The following CNTN5 variants were observed in gnomAD, a reference collection of about 807,000 sequenced individuals.
CNTN5 encodes the protein contactin-5.
CNTN5 carries 77 observed loss-of-function variants against 129.1 expected under a neutral mutation model. The observed-to-expected ratio is 0.60, with a 90% CI of 0.50 to 0.72. The LOEUF (loss-of-function observed/expected upper bound fraction) is 0.72, where lower values mean the gene tolerates loss of function less well. CNTN5 is among the 30% of genes least tolerant of loss of function. The pLI is 0.00. For synonymous variants in CNTN5, 509 were observed against 465.6 expected, an observed-to-expected ratio of 1.09 and a Z score of -1.20; for missense variants, 1,478 against 1,328.8, an observed-to-expected ratio of 1.11 and a Z score of -1.75.
chr11:100,009,068 T>A (rs1940357723), intron 9 of CNTN5, among the ~76,000 whole-genome samples: 1 of 152,132 alleles, frequency 6.6e-6, no homozygotes, highest in Non-Finnish European at 1.5e-5. Context: ...AATTGTAGGT[T>A]ATCAAATTTT....
intron 3 of CNTN5, among the ~76,000 whole-genome samples, chr11:99,643,065 T>C (rs1002311697): frequency 2.0e-5 from 3 of 152,228 alleles, no homozygotes; most frequent in Non-Finnish European, 4.4e-5. Flanking sequence ...AACACAGGAA[T>C]ACAGATATCT....
chr11:100,177,737 G>A (rs116819786), intron 13 of CNTN5, among the ~76,000 whole-genome samples: 3,432 of 152,192 alleles, frequency 0.023, 135 homozygotes, highest in African/African-American at 0.078. Context: ...CGACATATAC[G>A]TAGAGTTTAA....
At chr11:99,452,942 C>T (rs912860491) in intron 2 of CNTN5, among the ~76,000 whole-genome samples, 1 of 152,096 alleles carries the variant, frequency 6.6e-6, no homozygotes, top group East Asian at 1.9e-4. Context: ...TTTTCCTCAT[C>T]TTATAAACAA....
intron 1 of CNTN5, among the ~76,000 whole-genome samples, chr11:99,268,789 C>T (rs1270577502): frequency 6.6e-6 from 1 of 151,894 alleles, no homozygotes; most frequent in Non-Finnish European, 1.5e-5. Flanking sequence ...TTAGAGCATT[C>T]GTCTAATGAT....
chr11:99,899,583 T>A (rs898091864), intron 6 of CNTN5, among the ~76,000 whole-genome samples: 1 of 152,052 alleles, frequency 6.6e-6, no homozygotes, highest in Non-Finnish European at 1.5e-5. Context: ...GCACATTTGA[T>A]CATGGCAAAT....
chr11:99,943,971 G>A (rs1412739539), intron 7 of CNTN5, among the ~76,000 whole-genome samples: 1 of 152,008 alleles, frequency 6.6e-6, no homozygotes, highest in Non-Finnish European at 1.5e-5. Flanking sequence ...GTAGCATTAT[G>A]CCTCCAGCTT....
intron 16 of CNTN5, among the ~76,000 whole-genome samples, chr11:100,226,967 T>C (rs544600616): frequency 6.6e-6 from 1 of 152,004 alleles, no homozygotes; most frequent in Admixed American, 6.6e-5. Flanking sequence ...GCATTCTAGA[T>C]GGAGCTTTTC....
chr11:99,194,764 C>T (rs1003518742), intron 1 of CNTN5, among the ~76,000 whole-genome samples: 1 of 152,056 alleles, frequency 6.6e-6, no homozygotes, highest in Non-Finnish European at 1.5e-5. Flanking sequence ...TGCCGCCATG[C>T]CCAGCTAATA....
At chr11:99,820,874 A>T (rs1466583899) in intron 4 of CNTN5, among the ~76,000 whole-genome samples, 2 of 152,244 alleles carry the variant, frequency 1.3e-5, no homozygotes, top group Non-Finnish European at 2.9e-5. Context: ...GAACTAAGAT[A>T]TTGGAAAGAT....
chr11:100,282,052 G>C (rs972936484), intron 18 of CNTN5, among the ~76,000 whole-genome samples: 2 of 142,720 alleles, frequency 1.4e-5, no homozygotes, highest in African/African-American at 5.3e-5. Context: ...TTATCTGTCT[G>C]AAAGGTCACA....
intron 2 of CNTN5, among the ~76,000 whole-genome samples, chr11:99,493,130 G>A (rs1032939889): frequency 9.2e-5 from 14 of 152,256 alleles, no homozygotes; most frequent in African/African-American, 2.4e-4. Flanking sequence ...GAACCCCATC[G>A]CTTTGTTTGT....
intron 9 of CNTN5, among the ~76,000 whole-genome samples, chr11:100,036,090 T>G (rs1190973584): frequency 6.6e-6 from 1 of 152,230 alleles, no homozygotes; most frequent in African/African-American, 2.4e-5. Flanking sequence ...CTAGGGTTTT[T>G]ATGGTTTCAG....
chr11:99,956,973 C>T lies in CNTN5; in HGVS notation c.841C>T (p.Leu281Phe), dbSNP rs1950819498. The change falls in exon 8 of 25, where the codon CTT becomes TTT. Residue 281 changes from leucine (L) to phenylalanine (F), a missense_variant. Transcript: ENST00000524871. ...AAACACAGTGACGAATGCTAGAGTC[C>T]TTAGTCCTCCAACGCCACTCACTCT... is the stretch of plus-strand genomic sequence containing the variant. ...VKNTVTNARV[L>F]SPPTPLTLRN... 1 of 1,613,768 alleles carries T rather than the reference C, an allele frequency of 6.2e-7. No individual in the cohort carries two copies. The highest frequency in any genetic ancestry group is 2.2e-5 in the East Asian group (1 of 44,862).
chr11:99,698,416 A>C (rs1417729761), intron 3 of CNTN5, among the ~76,000 whole-genome samples: 1 of 151,422 alleles, frequency 6.6e-6, no homozygotes, highest in Admixed American at 6.6e-5. Flanking sequence ...CCTTTGTAAT[A>C]AATTATATTT....
At chr11:99,898,468 T>C (rs1333704098) in intron 6 of CNTN5, among the ~76,000 whole-genome samples, 1 of 152,024 alleles carries the variant, frequency 6.6e-6, no homozygotes, top group Non-Finnish European at 1.5e-5. Flanking sequence ...CCTGAAGACG[T>C]AAGATAAATA....
At chr11:99,790,606 T>A (rs1367338865) in intron 3 of CNTN5, among the ~76,000 whole-genome samples, 1 of 152,140 alleles carries the variant, frequency 6.6e-6, no homozygotes. Flanking sequence ...GTGTCTTTAA[T>A]ATTGTGAATA....
intron 7 of CNTN5, among the ~76,000 whole-genome samples, chr11:99,948,857 TCTC>T (rs1224022721): frequency 6.6e-6 from 1 of 152,164 alleles, no homozygotes; most frequent in East Asian, 1.9e-4. Flanking sequence ...TGCTTCCTCT[TCTC>T]CAGAAAATTT....
chr11:100,270,928 G>T (rs1950396317), intron 17 of CNTN5, among the ~76,000 whole-genome samples, 164 bp from the exon 18 acceptor site: 1 of 152,180 alleles, frequency 6.6e-6, no homozygotes, highest in Non-Finnish European at 1.5e-5. Flanking sequence ...CCTGAAGATT[G>T]ATTTTCATTT....
At chr11:99,307,925 C>T (rs1415126895) in intron 1 of CNTN5, among the ~76,000 whole-genome samples, 1 of 152,210 alleles carries the variant, frequency 6.6e-6, no homozygotes, top group Non-Finnish European at 1.5e-5. Flanking sequence ...TAGGCTTACA[C>T]AGAAACTAAA....
Sources: allele counts gnomAD v4.1 joint callset (sites outside exome capture counted in the v4.1 genomes callset), GRCh38; gene constraint gnomAD v4.1.1; transcripts MANE v1.5; gene names NCBI Gene and HGNC (gene_info 2026-07-23, HGNC 2026-07-21).